MORN5: variants seen among roughly 807,000 people sequenced by gnomAD.
MORN5 encodes the protein MORN repeat containing 5, also known as MORN repeat-containing protein 5.
In MORN5, 21 loss-of-function variants were observed where a neutral mutation model predicts 22.1. The observed-to-expected ratio is 0.95, with a 90% CI of 0.67 to 1.37. The LOEUF is 1.37. Ranked by LOEUF, MORN5 falls within the 40% of genes most tolerant of loss-of-function variation. The pLI is 0.00. For synonymous variants in MORN5, 73 were observed against 74.0 expected (o/e 0.99, Z 0.07); for missense variants, 211 against 215.1 (o/e 0.98, Z 0.12).
In MORN5 at chr9:122,180,425, A is replaced by G. The variant is rs1030953914; in HGVS notation, c.439+5798A>G. ...GTCAGCCTCCCGAGTAGCTGGGACTACAGGCACACACCACCACACCGAGCT... is the reference window on the plus strand; with the variant it reads ...GTCAGCCTCCCGAGTAGCTGGGACTGCAGGCACACACCACCACACCGAGCT... On this transcript the variant is annotated intron_variant, in intron 4 of 4. Transcript: ENST00000373764. 3.3e-5 allele frequency among the ~76,000 whole-genome samples: 5 copies of G among 151,772 alleles called. No individual in the cohort carries two copies. In the East Asian group the frequency reaches 9.7e-4, roughly 30 times the overall value.
chr9:122,178,141 C>T (rs924395325), intron 4 of MORN5, among the ~76,000 whole-genome samples: 52 of 152,344 alleles, frequency 3.4e-4, no homozygotes, highest in African/African-American at 1.2e-3. Context: ...AGAAGGATCT[C>T]TTGAGCCCAG....
At chr9:122,194,349 C>T (rs1010205613) in intron 4 of MORN5, among the ~76,000 whole-genome samples, 1 of 152,214 alleles carries the variant, frequency 6.6e-6, no homozygotes, top group Admixed American at 6.5e-5. Flanking sequence ...GGCAGGGCTC[C>T]TGGTCTCACT....
At chr9:122,170,340 C>G (rs1829348699) in intron 3 of MORN5, among the ~76,000 whole-genome samples, 1 of 151,656 alleles carries the variant, frequency 6.6e-6, no homozygotes. Context: ...ATAGCATCAT[C>G]TACCTCCCAA....
chr9:122,199,081 G>A (rs1829956387), intron 4 of MORN5, among the ~76,000 whole-genome samples: 1 of 152,122 alleles, frequency 6.6e-6, no homozygotes, highest in African/African-American at 2.4e-5. Context: ...TCCACGGAGG[G>A]GTCTTGCACA....
chr9:122,192,113 G>A (rs747905729), intron 4 of MORN5, among the ~76,000 whole-genome samples: 8 of 152,230 alleles, frequency 5.3e-5, no homozygotes, highest in South Asian at 2.1e-4. Context: ...TGGGAGTGAC[G>A]TGTCCAAAAT....
chr9:122,188,869 G>A (rs1829698870), intron 4 of MORN5, among the ~76,000 whole-genome samples: 1 of 152,150 alleles, frequency 6.6e-6, no homozygotes, highest in Admixed American at 6.5e-5. Flanking sequence ...CCTGTCCGGG[G>A]AGCACCTTGC....
In MORN5 at chr9:122,199,976, G is replaced by A. The variant is rs751093711; in HGVS notation, c.*45G>A. The A allele has an allele frequency of 1.1e-5, 18 of 1,603,846 alleles. No homozygotes were observed. Among genetic ancestry groups the A allele is most frequent in the Non-Finnish European group, 1.5e-5 (18 of 1,170,760 alleles). On this transcript the variant is annotated 3_prime_UTR_variant, in exon 5 of 5. Transcript: ENST00000373764. Reference sequence around the variant, plus strand: ...GGCCCGAGCCGTGAACTCTGTGGCTGCCTCCACCAGAGGTTTCCATCTGCC... The same window carrying A: ...GGCCCGAGCCGTGAACTCTGTGGCTACCTCCACCAGAGGTTTCCATCTGCC...
intron 4 of MORN5, among the ~76,000 whole-genome samples, chr9:122,176,816 T>C (rs1361067679): frequency 6.6e-6 from 1 of 152,134 alleles, no homozygotes; most frequent in Non-Finnish European, 1.5e-5. Context: ...AGGCGGAGGT[T>C]GTAGTGAGCC....
At chr9:122,198,745 G>A (rs553239160) in intron 4 of MORN5, among the ~76,000 whole-genome samples, 9 of 152,256 alleles carry the variant, frequency 5.9e-5, no homozygotes, top group African/African-American at 1.7e-4. Flanking sequence ...GGCAACCTCC[G>A]CGTCCACCAC....
At chr9:122,180,050 G>A (rs780857649) in intron 4 of MORN5, among the ~76,000 whole-genome samples, 4 of 152,246 alleles carry the variant, frequency 2.6e-5, no homozygotes, top group Non-Finnish European at 5.9e-5. Context: ...CAGCAGAAGA[G>A]TCACCTTTGC....
chr9:122,182,079 T>C (rs1170576629), intron 4 of MORN5, among the ~76,000 whole-genome samples: 3 of 152,194 alleles, frequency 2.0e-5, no homozygotes, highest in Non-Finnish European at 4.4e-5. Context: ...GCTGAAACTT[T>C]GGGATCTGCA....
chr9:122,199,819 AC>A, intron 4 of MORN5, 65 bp from the exon 5 acceptor site: 1 of 1,527,992 alleles, frequency 6.5e-7, no homozygotes, highest in Non-Finnish European at 9.1e-7. Flanking sequence ...CACCTGGGGA[AC>A]CCCCCAGGCC....
intron 4 of MORN5, chr9:122,175,708 CT>C: frequency 2.0e-6 from 2 of 985,144 alleles, no homozygotes; most frequent in Non-Finnish European, 2.4e-6. Context: ...GAGAAAGAAA[CT>C]GCCAGGTAGA....
intron 1 of MORN5, among the ~76,000 whole-genome samples, chr9:122,161,607 T>G (rs1339990284): frequency 6.6e-6 from 1 of 152,212 alleles, no homozygotes; most frequent in African/African-American, 2.4e-5. Context: ...CCAAACCACA[T>G]TCTTACTTTT....
chr9:122,189,994 C>T, intron 4 of MORN5, among the ~76,000 whole-genome samples: 1 of 152,020 alleles, frequency 6.6e-6, no homozygotes, highest in Non-Finnish European at 1.5e-5. Context: ...AAGAGATTTC[C>T]AAGGGTCATT....
intron 4 of MORN5, among the ~76,000 whole-genome samples, chr9:122,195,073 G>T (rs544859765): frequency 3.1e-4 from 47 of 152,070 alleles, no homozygotes; most frequent in African/African-American, 1.1e-3. Context: ...GATCTGAGGG[G>T]ACCATGAAAG....
intron 4 of MORN5, among the ~76,000 whole-genome samples, chr9:122,181,335 T>TCATGCATCCAG (rs1363241300): frequency 6.6e-6 from 1 of 152,180 alleles, no homozygotes; most frequent in African/African-American, 2.4e-5. Context: ...CTCAGACTTC[T>TCATGCATCCAG]CATGCATCCA....
Position 122,192,935 on chromosome 9 carries a change from T to G in MORN5, c.440-6950T>G, listed in dbSNP as rs1013307285. Reference sequence around the variant, plus strand: ...CCCCAAATTTACATTTCTTTATTCATTATTCACCACGTACTTATGAAATAC... The same window carrying G: ...CCCCAAATTTACATTTCTTTATTCAGTATTCACCACGTACTTATGAAATAC... On this transcript the variant is annotated intron_variant, in intron 4 of 4. Coordinates refer to ENST00000373764, the MANE Select transcript of MORN5 (RefSeq NM_198469.4). Among the ~76,000 whole-genome samples, 50 of 152,208 alleles carry G rather than the reference T, an allele frequency of 3.3e-4. 1 individual carries two copies. Among genetic ancestry groups the G allele is most frequent in the Admixed American group, 1.6e-3 (25 of 15,282 alleles).
chr9:122,199,811 C>G, intron 4 of MORN5, 74 bp from the exon 5 acceptor site: 1 of 1,514,962 alleles, frequency 6.6e-7, no homozygotes, highest in Non-Finnish European at 9.2e-7. Flanking sequence ...CAACGCCCCA[C>G]CTGGGGAACC....
Sources: gnomAD v4.1 joint callset for allele counts (sites outside exome capture counted in the v4.1 genomes callset) on GRCh38, gnomAD v4.1.1 for gene constraint, MANE v1.5 for transcripts, NCBI Gene and HGNC (gene_info 2026-07-23, HGNC 2026-07-21) for gene names.